The following ADAMTS12 variants were observed in gnomAD, a reference collection of about 807,000 sequenced individuals.
ADAMTS12 encodes A disintegrin and metalloproteinase with thrombospondin motifs 12.
ADAMTS12 carries 118 observed loss-of-function variants against 167.8 expected under a neutral mutation model. The observed-to-expected ratio is 0.70, with a 90% CI of 0.61 to 0.82. The LOEUF (loss-of-function observed/expected upper bound fraction) is 0.82. ADAMTS12 is among the 40% of genes least tolerant of loss of function. The pLI is 0.00. For missense variants in ADAMTS12, 1,916 were observed against 1,998.8 expected, an observed-to-expected ratio of 0.96 and a Z score of 0.79; for synonymous variants, 704 against 716.9, an observed-to-expected ratio of 0.98 and a Z score of 0.29.
At position 33,549,197 on chromosome 5, in the gene ADAMTS12, G is replaced by T; in HGVS notation, c.4302+10C>A. 6.2e-7 allele frequency: 1 copy of T among 1,610,690 alleles called. No individual in the cohort carries two copies. Among genetic ancestry groups the T allele is most frequent in the Non-Finnish European group, 8.5e-7 (1 of 1,177,294 alleles). ...GTGTGAGGACATCTCTCCCTTTGTG[G>T]GGGACCTACCTGGCTCCAAGGCTCC... On this transcript the variant is annotated intron_variant, in intron 21 of 23. Coordinates refer to ENST00000504830, the MANE Select transcript of ADAMTS12 (RefSeq NM_030955.4).
At chr5:33,593,755 G>A (rs1044757272) in intron 17 of ADAMTS12, among the ~76,000 whole-genome samples, 4 of 151,962 alleles carry the variant, frequency 2.6e-5, no homozygotes, top group Admixed American at 2.6e-4. Context: ...CTAGATGATG[G>A]GTTGATAGGT....
intron 23 of ADAMTS12, among the ~76,000 whole-genome samples, chr5:33,531,334 C>T (rs891694941): frequency 6.6e-6 from 1 of 152,146 alleles, no homozygotes; most frequent in African/African-American, 2.4e-5. Flanking sequence ...GCTTGTAGCC[C>T]AGGAAGCTAA....
At chr5:33,749,009 G>C (rs1362781986) in intron 3 of ADAMTS12, among the ~76,000 whole-genome samples, 1 of 152,210 alleles carries the variant, frequency 6.6e-6, no homozygotes, top group Non-Finnish European at 1.5e-5. Flanking sequence ...CTGAGGAAGA[G>C]AGATGATCAC....
intron 13 of ADAMTS12, among the ~76,000 whole-genome samples, chr5:33,628,150 C>T (rs1739747940): frequency 6.6e-6 from 1 of 151,998 alleles, no homozygotes; most frequent in Admixed American, 6.6e-5. Flanking sequence ...ATTCAGCCAA[C>T]GTTATGCTGA....
chr5:33,713,098 G>A (rs2080131782), intron 3 of ADAMTS12, among the ~76,000 whole-genome samples: 1 of 149,318 alleles, frequency 6.7e-6, no homozygotes, highest in Non-Finnish European at 1.5e-5. Flanking sequence ...CTGAATGGAT[G>A]TTTCTGAAAA....
At chr5:33,832,427 T>C (rs1372108312) in intron 2 of ADAMTS12, among the ~76,000 whole-genome samples, 1 of 152,212 alleles carries the variant, frequency 6.6e-6, no homozygotes, top group Non-Finnish European at 1.5e-5. Context: ...ATGGGCACAG[T>C]ACATCTACTT....
At chr5:33,532,449 C>T (rs944788180) in intron 23 of ADAMTS12, among the ~76,000 whole-genome samples, 4 of 150,566 alleles carry the variant, frequency 2.7e-5, no homozygotes, top group Admixed American at 2.6e-4. Context: ...TCTGTATCAA[C>T]ATTGGATCTA....
chr5:33,872,522 G>A (rs1379578247), intron 2 of ADAMTS12, among the ~76,000 whole-genome samples: 1 of 150,324 alleles, frequency 6.7e-6, no homozygotes, highest in African/African-American at 2.5e-5. Context: ...ACTCCAGCTT[G>A]GGTGACAGAG....
chr5:33,584,793 TTAGTC>T (rs1747254556), intron 18 of ADAMTS12, among the ~76,000 whole-genome samples: 1 of 152,226 alleles, frequency 6.6e-6, no homozygotes. Context: ...ATCATTACTA[TTAGTC>T]TAATTACTAG....
chr5:33,604,131 TAGATA>T (rs1015281271), intron 16 of ADAMTS12, among the ~76,000 whole-genome samples: 5 of 152,184 alleles, frequency 3.3e-5, no homozygotes, highest in African/African-American at 1.2e-4. Flanking sequence ...AGCATATTAA[TAGATA>T]TAAAACAAGA....
chr5:33,534,824 T>C lies in ADAMTS12; in HGVS notation c.4606+9A>G. On this transcript the variant is annotated intron_variant, in intron 23 of 23. Coordinates refer to ENST00000504830, the MANE Select transcript of ADAMTS12 (RefSeq NM_030955.4). The stretch of plus-strand genomic sequence containing the variant: ...ATCTCTTTCTCCCCGAGCAAACCCA[T>C]TCACCCACCGGCACTTTTCTTGCAG... The C allele has an allele frequency of 6.2e-7, 1 of 1,609,448 alleles. No individual in the cohort carries two copies. Among genetic ancestry groups the C allele is most frequent in the South Asian group, 1.1e-5 (1 of 89,996 alleles).
intron 5 of ADAMTS12, among the ~76,000 whole-genome samples, chr5:33,665,617 A>C (rs1275055360): frequency 6.6e-6 from 1 of 152,170 alleles, no homozygotes; most frequent in East Asian, 1.9e-4. Flanking sequence ...AATTACACAA[A>C]ATGTGAGAGA....
At chr5:33,719,743 A>T (rs1195117332) in intron 3 of ADAMTS12, among the ~76,000 whole-genome samples, 5 of 152,226 alleles carry the variant, frequency 3.3e-5, no homozygotes, top group African/African-American at 1.2e-4. Flanking sequence ...AAGTCTATTT[A>T]TGAGCTTTAA....
chr5:33,817,147 C>T (rs1161364139), intron 2 of ADAMTS12, among the ~76,000 whole-genome samples: 2 of 152,154 alleles, frequency 1.3e-5, no homozygotes, highest in Non-Finnish European at 2.9e-5. Flanking sequence ...AAAGATAAGT[C>T]ACACAGCAAG....
At chr5:33,790,258 G>C (rs1746476929) in intron 2 of ADAMTS12, among the ~76,000 whole-genome samples, 2 of 151,982 alleles carry the variant, frequency 1.3e-5, no homozygotes, top group African/African-American at 4.8e-5. Context: ...TTGTCCTTTA[G>C]AATGTCCCAC....
intron 3 of ADAMTS12, among the ~76,000 whole-genome samples, chr5:33,687,669 C>T (rs951001618): frequency 6.6e-6 from 1 of 152,124 alleles, no homozygotes; most frequent in Admixed American, 6.5e-5. Context: ...GGAAGCTTTG[C>T]GGAAGTGGTA....
intron 2 of ADAMTS12, among the ~76,000 whole-genome samples, chr5:33,818,767 T>C (rs1309951935): frequency 6.6e-6 from 1 of 152,168 alleles, no homozygotes. Flanking sequence ...GTCTTTTTGG[T>C]AATAGCCAAA....
intron 2 of ADAMTS12, among the ~76,000 whole-genome samples, chr5:33,779,464 G>A (rs1746040426): frequency 6.6e-6 from 1 of 152,172 alleles, no homozygotes; most frequent in African/African-American, 2.4e-5. Context: ...GGGATTACAG[G>A]CATGAGCCGT....
At chr5:33,845,866 G>A (rs1410503254) in intron 2 of ADAMTS12, among the ~76,000 whole-genome samples, 2 of 152,184 alleles carry the variant, frequency 1.3e-5, no homozygotes, top group African/African-American at 4.8e-5. Flanking sequence ...CAGTGAGAGA[G>A]GAAGCAGGAG....
Sources: gnomAD v4.1 joint callset for allele counts (sites outside exome capture counted in the v4.1 genomes callset) on GRCh38, gnomAD v4.1.1 for gene constraint, MANE v1.5 for transcripts, NCBI Gene and HGNC (gene_info 2026-07-23, HGNC 2026-07-21) for gene names.